UBASH3B: variants seen among roughly 807,000 people sequenced by gnomAD.
The protein encoded by UBASH3B is ubiquitin associated and SH3 domain containing B, also known as ubiquitin-associated and SH3 domain-containing protein B.
In UBASH3B, 37 loss-of-function variants were observed where a neutral mutation model predicts 83.4. That is an observed-to-expected ratio of 0.44 (90% CI 0.34 to 0.58). UBASH3B has a LOEUF of 0.58. Among genes scored for constraint, UBASH3B ranks in the 20% least tolerant of loss-of-function variants. The probability of loss-of-function intolerance (pLI) is 0.01; values close to 1 mark genes in which losing one functional copy is unlikely to be tolerated. For synonymous variants in UBASH3B, 304 were observed against 318.3 expected, an observed-to-expected ratio of 0.96 and a Z score of 0.48; for missense variants, 657 against 827.2, an observed-to-expected ratio of 0.79 and a Z score of 2.52.
In UBASH3B at chr11:122,656,004, C is replaced by G. The variant is rs1863353843; in HGVS notation, c.-46C>G. 8.1e-6 allele frequency: 12 copies of G among 1,473,234 alleles called. No homozygotes were observed. Among genetic ancestry groups the G allele is most frequent in the African/African-American group, 1.5e-5 (1 of 68,914 alleles). The allele number at this position is 1,473,234 out of a possible 1,614,324, so 91.3% of individuals were successfully genotyped here. A position where few individuals can be genotyped will look rare whatever the true frequency, so the allele number is the denominator to read the frequency against. Reference sequence around the variant, plus strand: ...GCCCGACTCCCTCCTCCTTCCCGAACCATCCGGCTCGGGCTCCTTCCCTGG... The same window carrying G: ...GCCCGACTCCCTCCTCCTTCCCGAAGCATCCGGCTCGGGCTCCTTCCCTGG... On this transcript the variant is annotated 5_prime_UTR_variant, in exon 1 of 14. Coordinates refer to ENST00000284273, the MANE Select transcript of UBASH3B (RefSeq NM_032873.5).
intron 1 of UBASH3B, among the ~76,000 whole-genome samples, chr11:122,687,898 C>T (rs1409897966): frequency 6.6e-6 from 1 of 152,080 alleles, no homozygotes; most frequent in African/African-American, 2.4e-5. Context: ...ATTTAAATAC[C>T]TAATAATAAT....
At chr11:122,738,718 G>T (rs184117363) in intron 1 of UBASH3B, among the ~76,000 whole-genome samples, 1 of 152,052 alleles carries the variant, frequency 6.6e-6, no homozygotes, top group South Asian at 2.1e-4. Flanking sequence ...GAGAAACCCC[G>T]TCTCTACAAA....
chr11:122,747,107 CAG>C (rs1861131050), intron 1 of UBASH3B, among the ~76,000 whole-genome samples: 1 of 152,084 alleles, frequency 6.6e-6, no homozygotes, highest in Admixed American at 6.5e-5. Flanking sequence ...GCTGGGCTGA[CAG>C]GGGCCAGCAC....
intron 1 of UBASH3B, chr11:122,774,161 G>A: frequency 9.1e-6 from 9 of 985,430 alleles, no homozygotes; most frequent in Non-Finnish European, 1.1e-5. Context: ...TCAAAGTGTG[G>A]GAATGAGCGT....
intron 1 of UBASH3B, among the ~76,000 whole-genome samples, chr11:122,693,043 G>A (rs1021932869): frequency 1.3e-5 from 2 of 152,182 alleles, no homozygotes; most frequent in African/African-American, 2.4e-5. Context: ...TTTGTGGGCA[G>A]GGGGTGGATC....
chr11:122,690,201 T>TCC (rs1565530297), intron 1 of UBASH3B, among the ~76,000 whole-genome samples: 3,117 of 32,868 alleles, frequency 0.095, 84 homozygotes, highest in South Asian at 0.11. Context: ...TATATATATA[T>TCC]ATATATATCC....
At chr11:122,687,542 G>A (rs1313990865) in intron 1 of UBASH3B, among the ~76,000 whole-genome samples, 2 of 152,238 alleles carry the variant, frequency 1.3e-5, no homozygotes, top group East Asian at 3.9e-4. Flanking sequence ...TGAGTGAGGA[G>A]GGACCACGAG....
At chr11:122,692,629 C>T (rs1212741117) in intron 1 of UBASH3B, among the ~76,000 whole-genome samples, 1 of 152,180 alleles carries the variant, frequency 6.6e-6, no homozygotes, top group South Asian at 2.1e-4. Flanking sequence ...GCCGAGGGCA[C>T]GCTGGTCAAA....
intron 1 of UBASH3B, among the ~76,000 whole-genome samples, chr11:122,694,475 G>C (rs1415715296): frequency 6.6e-6 from 1 of 152,060 alleles, no homozygotes; most frequent in Non-Finnish European, 1.5e-5. Context: ...TGGGAGGATC[G>C]CTTGAGCCTG....
chr11:122,728,080 T>G (rs1208521243), intron 1 of UBASH3B, among the ~76,000 whole-genome samples: 1 of 152,146 alleles, frequency 6.6e-6, no homozygotes, highest in African/African-American at 2.4e-5. Context: ...TCAAGCAGTC[T>G]TCCTGCCTCA....
At chr11:122,782,627 C>G (rs10790533) in intron 4 of UBASH3B, 149,405 of 154,222 alleles carry the variant, frequency 0.97, 72,503 homozygotes, top group Middle Eastern at 1. Flanking sequence ...GAAGCTAAGA[C>G]ACGTGATTCC....
At chr11:122,732,385 G>C (rs1254707706) in intron 1 of UBASH3B, among the ~76,000 whole-genome samples, 2 of 152,182 alleles carry the variant, frequency 1.3e-5, no homozygotes, top group Non-Finnish European at 2.9e-5. Flanking sequence ...TGGAGGCTAA[G>C]GCATATTTAT....
In UBASH3B at chr11:122,812,748, T is replaced by A. The variant is rs1861472990; in HGVS notation, c.*2862T>A. On this transcript the variant is annotated 3_prime_UTR_variant, in exon 14 of 14. Transcript: ENST00000284273. ...AGTGTTATTCACAGACAGAACTTTG[T>A]TTCCTGTGATTTTAAAATACCGCGT... is the stretch of plus-strand genomic sequence containing the variant. The A allele has an allele frequency of 6.6e-6, 1 of 152,228 alleles. No individual in the cohort carries two copies. Among genetic ancestry groups the A allele is most frequent in the East Asian group, 1.9e-4 (1 of 5,194 alleles). 9.4% of individuals were successfully genotyped at this position (152,228 alleles called of 1,614,324 possible).
chr11:122,690,883 TATC>T (rs1863887245), intron 1 of UBASH3B, among the ~76,000 whole-genome samples: 1 of 152,156 alleles, frequency 6.6e-6, no homozygotes, highest in African/African-American at 2.4e-5. Flanking sequence ...ATGCTACTAA[TATC>T]ATAGTATTTC....
rs763798445 is a variant in UBASH3B at position 122,758,981 on chromosome 11, T to C, written c.162-17238T>C. ...TTTTTATGACTCAGCACTCTAACTT[T>C]AGTGGCTTAAAACACACATTTTCCC... On this transcript the variant is annotated intron_variant, in intron 1 of 13. Transcript: ENST00000284273. This position sits in a 1 kb window ranked among gnomAD's most constrained non-coding sequence, Gnocchi z 4.2. Among the ~76,000 whole-genome samples, 10 of 152,198 alleles carry C rather than the reference T, an allele frequency of 6.6e-5. No homozygotes were observed. The highest frequency in any genetic ancestry group is 1.5e-4 in the Non-Finnish European group (10 of 68,036).
chr11:122,723,385 C>G (rs1304230477), intron 1 of UBASH3B, among the ~76,000 whole-genome samples: 1 of 152,204 alleles, frequency 6.6e-6, no homozygotes, highest in African/African-American at 2.4e-5. Context: ...CAGCCTAAAG[C>G]CTTTGTCTCC....
Position 122,756,194 on chromosome 11 carries a change from T to C in UBASH3B, c.162-20025T>C, listed in dbSNP as rs73615975. The stretch of plus-strand genomic sequence containing the variant: ...CAAGAGCTTTTGGCCTTGACAACCA[T>C]GGAGAGTTACCTAGAGCTGAATTGA... On this transcript the variant is annotated intron_variant, in intron 1 of 13. Transcript: ENST00000284273. Among the ~76,000 whole-genome samples, 158 of 152,330 alleles carry C rather than the reference T, an allele frequency of 1.0e-3. 1 individual carries two copies. Among genetic ancestry groups the C allele is most frequent in the African/African-American group, 3.7e-3 (155 of 41,570 alleles).
At chr11:122,710,202 A>G (rs1004750433) in intron 1 of UBASH3B, among the ~76,000 whole-genome samples, 4 of 151,852 alleles carry the variant, frequency 2.6e-5, no homozygotes, top group African/African-American at 9.7e-5. Flanking sequence ...TAAGATAATC[A>G]TAATAAACAA....
chr11:122,658,375 G>A (rs766410685), intron 1 of UBASH3B, among the ~76,000 whole-genome samples: 5 of 152,148 alleles, frequency 3.3e-5, no homozygotes, highest in Non-Finnish European at 7.4e-5. Flanking sequence ...AGCTTTAAAG[G>A]GACATCTTTT....
Sources: allele counts gnomAD v4.1 joint callset (sites outside exome capture counted in the v4.1 genomes callset), GRCh38; gene constraint gnomAD v4.1.1; non-coding constraint Gnocchi (gnomAD v3.1); transcripts MANE v1.5; gene names NCBI Gene and HGNC (gene_info 2026-07-23, HGNC 2026-07-21).